Variants in CELF2 observed in about 807,000 individuals in gnomAD.
The protein encoded by CELF2 is CUG triplet repeat RNA-binding protein 2.
A neutral mutation model predicts 62.6 loss-of-function variants in CELF2; 8 were observed. The observed-to-expected ratio is 0.13, with a 90% CI of 0.07 to 0.23. The LOEUF (loss-of-function observed/expected upper bound fraction) is 0.23. Ranked by LOEUF, CELF2 falls within the 10% of genes least tolerant of loss-of-function variation. The pLI is 1.00. For synonymous variants in CELF2, 258 were observed against 250.0 expected (o/e 1.03, Z -0.30); for missense variants, 333 against 671.0 (o/e 0.50, Z 5.56).
rs910534247 is a variant in CELF2, at chr10:11,247,387, A to G, written c.355-1766A>G. Among the ~76,000 whole-genome samples, 1 of 152,276 alleles carries G rather than the reference A, an allele frequency of 6.6e-6. No homozygotes were observed. Among genetic ancestry groups the G allele is most frequent in the African/African-American group, 2.4e-5 (1 of 41,562 alleles). On this transcript the variant is annotated intron_variant, in intron 3 of 12. Coordinates refer to ENST00000633077, the MANE Select transcript of CELF2 (RefSeq NM_001326342.2). The surrounding 1 kb of genome is among the most constrained non-coding windows in gnomAD (Gnocchi z 5.4). ...TGCGGGGCTGCCCCGTGAGTTTCAC[A>G]TGCCGGCCCCCCTTCAGTGCTCGCA...
At chr10:10,541,784 A>C in the CELF2 span, among the ~76,000 whole-genome samples, 65,536 of 151,970 alleles carry the variant, frequency 0.43, 14,642 homozygotes, top group South Asian at 0.54. Flanking sequence ...CTGTTTTATC[A>C]GCAAGGTCTT....
Position 11,321,116 on chromosome 10 carries a change from T to C in CELF2, c.1097-73T>C. The C allele has an allele frequency of 1.3e-6, 2 of 1,509,472 alleles. No homozygotes were observed. Among genetic ancestry groups the C allele is most frequent in the Non-Finnish European group, 1.8e-6 (2 of 1,087,578 alleles). The allele number at this position is 1,509,472 out of a possible 1,614,324, so 93.5% of individuals were successfully genotyped here. On this transcript the variant is annotated intron_variant, in intron 10 of 12. Coordinates refer to ENST00000633077, the MANE Select transcript of CELF2 (RefSeq NM_001326342.2). This position sits in a 1 kb window ranked among gnomAD's most constrained non-coding sequence, Gnocchi z 6.2. The stretch of plus-strand genomic sequence containing the variant: ...TGCTGTTGTACTGTGTTTAAATGAT[T>C]CTCTAACTTCCTTTGGAAAGCACTA...
At chr10:11,077,688 A>G (rs191529967) in intron 1 of CELF2, among the ~76,000 whole-genome samples, 513 of 152,304 alleles carry the variant, frequency 3.4e-3, no homozygotes, top group Non-Finnish European at 6.2e-3. Flanking sequence ...GAAACATTTC[A>G]TTGCCCTGTA....
At chr10:11,282,284 G>T (rs1248835986) in intron 8 of CELF2, among the ~76,000 whole-genome samples, 1 of 152,326 alleles carries the variant, frequency 6.6e-6, no homozygotes, top group South Asian at 2.1e-4. Context: ...GACCGAGAGG[G>T]CAGAGGGCAG....
Position 10,849,797 on chromosome 10 carries a change from A to G in CELF2, c.53+50980A>G, listed in dbSNP as rs975259631. 2.0e-5 allele frequency among the ~76,000 whole-genome samples: 3 copies of G among 152,118 alleles called. No individual in the cohort carries two copies. In the South Asian group the frequency reaches 6.2e-4, roughly 32 times the overall value. On this transcript the variant is annotated intron_variant, in intron 1 of 13. Transcript: ENST00000636488. ...TGTGCACGTGTATGTGTATATGTATATGGATAAAAATTTATCCAGTTAGGA... is the reference window on the plus strand; with the variant it reads ...TGTGCACGTGTATGTGTATATGTATGTGGATAAAAATTTATCCAGTTAGGA...
the CELF2 span, among the ~76,000 whole-genome samples, chr10:10,728,604 C>A: frequency 6.6e-6 from 1 of 152,070 alleles, no homozygotes; most frequent in African/African-American, 2.4e-5. Context: ...ATTATGGTTA[C>A]ATGGTGAATA....
At chr10:11,119,002 C>G (rs1191218980) in intron 1 of CELF2, among the ~76,000 whole-genome samples, 1 of 152,240 alleles carries the variant, frequency 6.6e-6, no homozygotes, top group African/African-American at 2.4e-5. Context: ...GCCAGAGATG[C>G]TCAGACAGAA....
chr10:10,960,804 GC>G (rs1476574551), intron 2 of CELF2, among the ~76,000 whole-genome samples: 1 of 152,216 alleles, frequency 6.6e-6, no homozygotes, highest in Non-Finnish European at 1.5e-5. Flanking sequence ...TAATAGGTAT[GC>G]GTTAGAATCT....
At chr10:11,197,888 T>G (rs1362704160) in intron 2 of CELF2, among the ~76,000 whole-genome samples, 2 of 152,234 alleles carry the variant, frequency 1.3e-5, no homozygotes, top group African/African-American at 4.8e-5. Flanking sequence ...TGATATTTGT[T>G]TATTACTCCT....
intron 2 of CELF2, among the ~76,000 whole-genome samples, chr10:11,175,387 A>G (rs1263684056): frequency 6.6e-6 from 1 of 152,244 alleles, no homozygotes; most frequent in Non-Finnish European, 1.5e-5. Flanking sequence ...GTTCTCAAAA[A>G]AAAGAGAGAA....
chr10:10,835,161 C>T (rs1285209436), intron 1 of CELF2, among the ~76,000 whole-genome samples: 1 of 151,998 alleles, frequency 6.6e-6, no homozygotes, highest in African/African-American at 2.4e-5. Context: ...TAATGTATTA[C>T]TATTTTTAGA....
chr10:10,794,751 T>C (rs1320933476), upstream of CELF2: 1 of 152,158 alleles, frequency 6.6e-6, no homozygotes, highest in East Asian at 1.9e-4. Context: ...ACAAGGCCCA[T>C]CCTACTCTTC....
Position 11,247,836 on chromosome 10 carries a change from C to T in CELF2, c.355-1317C>T, listed in dbSNP as rs2076075785. ...TTTCTATAGGATAGAGGTCACATTC[C>T]TCAGCCCAACTCATGGCTTTCCACA... On this transcript the variant is annotated intron_variant, in intron 3 of 12. Transcript: ENST00000633077. The surrounding 1 kb of genome is among the most constrained non-coding windows in gnomAD (Gnocchi z 5.4). Among the ~76,000 whole-genome samples, 2 of 152,186 alleles carry T rather than the reference C, an allele frequency of 1.3e-5. No homozygotes were observed. The highest frequency in any genetic ancestry group is 4.1e-4 in the South Asian group (2 of 4,832).
chr10:11,328,873 G>A lies in CELF2; in HGVS notation c.1439-53G>A. The A allele has an allele frequency of 6.4e-7, 1 of 1,571,714 alleles. No individual in the cohort carries two copies. Among genetic ancestry groups the A allele is most frequent in the South Asian group, 1.2e-5 (1 of 86,904 alleles). On this transcript the variant is annotated intron_variant, in intron 12 of 12. Transcript: ENST00000633077. The surrounding 1 kb of genome is among the most constrained non-coding windows in gnomAD (Gnocchi z 6.4). Reference sequence around the variant, plus strand: ...CCCCAGAGCTCCAGCCCCCTTTTCTGTTTTCTGCTGGGCTTCCTCTCCAGG... The same window carrying A: ...CCCCAGAGCTCCAGCCCCCTTTTCTATTTTCTGCTGGGCTTCCTCTCCAGG...
At position 11,309,280 on chromosome 10, in the gene CELF2, C is replaced by A. The variant is rs1021800491; in HGVS notation, c.977-4859C>A. Among the ~76,000 whole-genome samples the A allele has an allele frequency of 6.6e-6, 1 of 152,236 alleles. No homozygotes were observed. Among genetic ancestry groups the A allele is most frequent in the Non-Finnish European group, 1.5e-5 (1 of 68,034 alleles). Reference sequence around the variant, plus strand: ...CTAATCCTCCTTACCCACTGCACATCACCCCTTCCCCACTGGCTTCTCATT... The same window carrying A: ...CTAATCCTCCTTACCCACTGCACATAACCCCTTCCCCACTGGCTTCTCATT... On this transcript the variant is annotated intron_variant, in intron 9 of 12. Coordinates refer to ENST00000633077, the MANE Select transcript of CELF2 (RefSeq NM_001326342.2). The surrounding 1 kb of genome is among the most constrained non-coding windows in gnomAD (Gnocchi z 5.6).
chr10:11,296,994 C>G lies in CELF2; in HGVS notation c.976+8442C>G, dbSNP rs895547504. Among the ~76,000 whole-genome samples the G allele has an allele frequency of 6.6e-6, 1 of 152,182 alleles. No individual in the cohort carries two copies. Among genetic ancestry groups the G allele is most frequent in the African/African-American group, 2.4e-5 (1 of 41,450 alleles). On this transcript the variant is annotated intron_variant, in intron 9 of 12. Transcript: ENST00000633077. This position sits in a 1 kb window ranked among gnomAD's most constrained non-coding sequence, Gnocchi z 5.0. ...GAGAGCCGGGGCTCAGGAGCTGGGA[C>G]TTTTCCTGTCAGCAGTGAAGAGCTA...
chr10:10,651,530 C>T, the CELF2 span, among the ~76,000 whole-genome samples: 1 of 122,294 alleles, frequency 8.2e-6, no homozygotes. Flanking sequence ...ATCTGAGAAC[C>T]AGCAGACTGC....
intron 1 of CELF2, among the ~76,000 whole-genome samples, chr10:10,848,941 C>T (rs1029613732): frequency 1.3e-5 from 2 of 152,122 alleles, no homozygotes; most frequent in Admixed American, 6.5e-5. Flanking sequence ...GTCCAGGTAC[C>T]TGGGTGAAGG....
chr10:10,637,526 A>C, the CELF2 span, among the ~76,000 whole-genome samples: 2 of 152,212 alleles, frequency 1.3e-5, no homozygotes, highest in African/African-American at 4.8e-5. Context: ...AGATGAGGAA[A>C]GAGCCTGGTA....
Sources: allele counts gnomAD v4.1 joint callset (sites outside exome capture counted in the v4.1 genomes callset), GRCh38; gene constraint gnomAD v4.1.1; non-coding constraint Gnocchi (gnomAD v3.1); transcripts MANE v1.5; gene names NCBI Gene and HGNC (gene_info 2026-07-23, HGNC 2026-07-21).